The following SLC44A5 variants were observed in gnomAD, a reference collection of about 807,000 sequenced individuals.
The protein encoded by SLC44A5 is solute carrier family 44 member 5, also known as choline transporter-like protein 5.
Under a neutral mutation model 101.8 loss-of-function variants are expected in SLC44A5, and 57 were observed. The observed-to-expected ratio is 0.56, with a 90% confidence interval of 0.45 to 0.70. The LOEUF is 0.70. Ranked by LOEUF, SLC44A5 falls within the 30% of genes least tolerant of loss-of-function variation. SLC44A5 has a pLI of 0.00. For synonymous variants in SLC44A5, 281 were observed against 290.9 expected, an observed-to-expected ratio of 0.97 and a Z score of 0.35; for missense variants, 737 against 853.1, an observed-to-expected ratio of 0.86 and a Z score of 1.70.
chr1:75,699,645 T>C, the SLC44A5 span, among the ~76,000 whole-genome samples: 1 of 149,468 alleles, frequency 6.7e-6, no homozygotes, highest in Non-Finnish European at 1.5e-5. Context: ...AGGACCAAAT[T>C]CACACATAAC....
intron 1 of SLC44A5, among the ~76,000 whole-genome samples, chr1:75,591,215 C>T (rs970526507): frequency 2.6e-4 from 40 of 152,214 alleles, no homozygotes; most frequent in African/African-American, 9.2e-4. Context: ...CATTACTGGC[C>T]TTCGGGTGCC....
At chr1:75,441,552 A>G (rs1665201267) in intron 2 of SLC44A5, among the ~76,000 whole-genome samples, 1 of 152,168 alleles carries the variant, frequency 6.6e-6, no homozygotes, top group East Asian at 1.9e-4. Flanking sequence ...ACTAATTATA[A>G]TAATAAACAT....
intron 1 of SLC44A5, among the ~76,000 whole-genome samples, chr1:75,588,125 T>C (rs1323595730): frequency 6.6e-6 from 1 of 152,156 alleles, no homozygotes; most frequent in Non-Finnish European, 1.5e-5. Flanking sequence ...AAAGCCCTGT[T>C]GCTGTAAGAC....
At chr1:75,656,563 GTTTAT>G in the SLC44A5 span, among the ~76,000 whole-genome samples, 244 of 152,168 alleles carry the variant, frequency 1.6e-3, 1 homozygote, top group South Asian at 0.012. Context: ...CTGCTTAATT[GTTTAT>G]TTTATTCATG....
intron 1 of SLC44A5, among the ~76,000 whole-genome samples, chr1:75,558,392 A>T (rs1037993956): frequency 6.6e-6 from 1 of 152,162 alleles, no homozygotes; most frequent in Non-Finnish European, 1.5e-5. Context: ...TTCAAACTGC[A>T]GCCTAGAAAC....
chr1:75,608,568 G>C (rs1227016988), intron 1 of SLC44A5, among the ~76,000 whole-genome samples: 1 of 151,880 alleles, frequency 6.6e-6, no homozygotes, highest in African/African-American at 2.4e-5. Flanking sequence ...CATTTCCCCA[G>C]AGTAAAAACC....
chr1:75,409,841 T>G (rs1012249558), intron 2 of SLC44A5, among the ~76,000 whole-genome samples: 12 of 152,104 alleles, frequency 7.9e-5, no homozygotes, highest in Non-Finnish European at 1.8e-4. Flanking sequence ...CCAAGGCAGC[T>G]TCAGCCCAAG....
At chr1:75,259,483 A>G (rs1291462390) in intron 6 of SLC44A5, among the ~76,000 whole-genome samples, 1 of 152,148 alleles carries the variant, frequency 6.6e-6, no homozygotes, top group African/African-American at 2.4e-5. Flanking sequence ...TTAGAGAAAA[A>G]AGAGTGAAGA....
the SLC44A5 span, among the ~76,000 whole-genome samples, chr1:75,647,533 A>G: frequency 6.6e-6 from 1 of 152,166 alleles, no homozygotes; most frequent in Non-Finnish European, 1.5e-5. Flanking sequence ...TGCACCGTGC[A>G]CCTGGAAAAG....
At chr1:75,375,877 CGTGA>C (rs1461667065) in intron 3 of SLC44A5, among the ~76,000 whole-genome samples, 1 of 152,188 alleles carries the variant, frequency 6.6e-6, no homozygotes, top group Non-Finnish European at 1.5e-5. Context: ...CAGCTCCCAG[CGTGA>C]GTGACACAGA....
chr1:75,298,545 GAGT>G (rs1654149932), intron 5 of SLC44A5, among the ~76,000 whole-genome samples: 2 of 152,106 alleles, frequency 1.3e-5, no homozygotes, highest in African/African-American at 4.8e-5. Context: ...GTCTACGGAA[GAGT>G]GGCAGTGGGT....
chr1:75,638,059 A>G, the SLC44A5 span, among the ~76,000 whole-genome samples: 2 of 152,060 alleles, frequency 1.3e-5, no homozygotes, highest in Admixed American at 6.6e-5. Flanking sequence ...TATTTATTAT[A>G]ATTGTGTAAT....
chr1:75,239,234 C>T (rs1648393792), intron 9 of SLC44A5, among the ~76,000 whole-genome samples: 1 of 152,184 alleles, frequency 6.6e-6, no homozygotes, highest in African/African-American at 2.4e-5. Flanking sequence ...GAGGCCTACA[C>T]TTTGTAGACT....
chr1:75,661,630 G>A, the SLC44A5 span, among the ~76,000 whole-genome samples: 2 of 151,662 alleles, frequency 1.3e-5, no homozygotes, highest in East Asian at 1.9e-4. Context: ...ATTAATAAAA[G>A]ACTATATAAG....
At chr1:75,663,635 A>G in the SLC44A5 span, among the ~76,000 whole-genome samples, 2 of 152,326 alleles carry the variant, frequency 1.3e-5, no homozygotes, top group Non-Finnish European at 2.9e-5. Context: ...AAGTTCCAAA[A>G]TTAAATCAGT....
At chr1:75,689,977 C>G in the SLC44A5 span, among the ~76,000 whole-genome samples, 1 of 152,098 alleles carries the variant, frequency 6.6e-6, no homozygotes, top group Non-Finnish European at 1.5e-5. Flanking sequence ...GACCCTTAGA[C>G]CAGGCAGCTG....
chr1:75,219,387 GA>G, intron 15 of SLC44A5, 43 bp from the exon 16 acceptor site: 1 of 1,298,598 alleles, frequency 7.7e-7, no homozygotes, highest in Non-Finnish European at 1.1e-6. Flanking sequence ...CTGGTAGATT[GA>G]AAATAAATGG....
chr1:75,563,034 C>T (rs1382841533), intron 1 of SLC44A5, among the ~76,000 whole-genome samples: 6 of 152,160 alleles, frequency 3.9e-5, no homozygotes, highest in Non-Finnish European at 5.9e-5. Context: ...CTCTTTGATA[C>T]GCAATCATTA....
chr1:75,609,739 A>T (rs1675541253), intron 1 of SLC44A5, among the ~76,000 whole-genome samples: 1 of 152,098 alleles, frequency 6.6e-6, no homozygotes, highest in Non-Finnish European at 1.5e-5. Flanking sequence ...AAAGAGGGCT[A>T]AGATTCAAGA....
Sources: allele counts gnomAD v4.1 joint callset (sites outside exome capture counted in the v4.1 genomes callset), GRCh38; gene constraint gnomAD v4.1.1; transcripts MANE v1.5; gene names NCBI Gene and HGNC (gene_info 2026-07-23, HGNC 2026-07-21).